Variants in FBXO38 observed in about 807,000 individuals in gnomAD.
The protein encoded by FBXO38 is F-box protein 38.
Under a neutral mutation model 131.9 loss-of-function variants are expected in FBXO38, and 53 were observed. The observed-to-expected ratio is 0.40, with a 90% CI of 0.32 to 0.51. The LOEUF (loss-of-function observed/expected upper bound fraction) is 0.51, where lower values mean the gene tolerates loss of function less well. FBXO38 is among the 20% of genes least tolerant of loss of function. The pLI is 0.53. For synonymous variants in FBXO38, 452 were observed against 505.6 expected (o/e 0.89, Z 1.42); for missense variants, 1,076 against 1,475.6 (o/e 0.73, Z 4.44).
rs1052548354 is a variant in FBXO38, at chr5:148,427,815, G to T, written c.2521G>T (p.Ala841Ser). 2 of 1,608,280 alleles carry T rather than the reference G, an allele frequency of 1.2e-6. No homozygotes were observed. The highest frequency in any genetic ancestry group is 1.7e-6 in the Non-Finnish European group (2 of 1,177,162). The change falls in exon 15 of 22, where the codon GCT becomes TCT. Residue 841 changes from alanine to serine, a missense_variant. Ala to Ser is a moderately conservative substitution (Grantham distance 99). This residue lies in a region of FBXO38 where 213 missense variants were observed against 225.2 expected (regional missense o/e 0.95). Transcript: ENST00000340253. ...DERTNGSGSGATGEDRRGSSQ... is the reference protein window; with the variant it reads ...DERTNGSGSGSTGEDRRGSSQ... ...GAGGACTAATGGGAGTGGCTCTGGG[G>T]CTACAGGTGAGGACAGGAGGGGGAG...
intron 3 of FBXO38, chr5:148,399,597 A>G (rs935192211): frequency 1.3e-5 from 2 of 154,876 alleles, no homozygotes; most frequent in East Asian, 1.9e-4. Flanking sequence ...GAAGACCTAT[A>G]GTAGGTCTTG....
At chr5:148,428,781 GA>G (rs990031746) in intron 15 of FBXO38, among the ~76,000 whole-genome samples, 7 of 152,276 alleles carry the variant, frequency 4.6e-5, no homozygotes, top group African/African-American at 1.7e-4. Flanking sequence ...GAGCTAAACA[GA>G]ACAAAAGTAA....
intron 2 of FBXO38, among the ~76,000 whole-genome samples, chr5:148,398,099 A>AGG (rs769137766): frequency 5.7e-4 from 86 of 152,044 alleles, no homozygotes; most frequent in Non-Finnish European, 1.0e-3. Context: ...CAGGTCAGAG[A>AGG]GGGGGAGATA....
intron 2 of FBXO38, among the ~76,000 whole-genome samples, chr5:148,396,429 G>T (rs1363196827): frequency 1.3e-5 from 2 of 152,180 alleles, no homozygotes; most frequent in Middle Eastern, 3.4e-3. Flanking sequence ...AAGTTGGGTG[G>T]ACTATTCAGC....
In FBXO38 at chr5:148,427,626, T is replaced by A. The variant is rs770230868; in HGVS notation, c.2332T>A (p.Cys778Ser). 17 of 1,614,090 alleles carry A rather than the reference T, an allele frequency of 1.1e-5. No homozygotes were observed. The East Asian group carries it at 3.8e-4, about 36-fold the overall frequency. The change falls in exon 15 of 22, where the codon TGT (cysteine) becomes AGT (serine). Residue 778 changes from cysteine (C) to serine (S), a missense_variant. Physicochemically the swap from Cys to Ser is moderately radical, Grantham distance 112. Around this residue, in one of 8 missense-constraint regions of FBXO38, gnomAD observed 213 missense variants for 225.2 expected, o/e 0.95. Transcript: ENST00000340253. ...GAGTTCTGTCTGCCCCAGATGCTGC[T>A]GTCACAGGCCCCAGGAATCCCAAAG... is the stretch of plus-strand genomic sequence containing the variant. ...AESSVCPRCC[C>S]HRPQESQRRT...
chr5:148,384,377 C>A (rs1042289462), intron 1 of FBXO38, among the ~76,000 whole-genome samples: 1 of 152,190 alleles, frequency 6.6e-6, no homozygotes, highest in Non-Finnish European at 1.5e-5. Context: ...CCGGGCGTCA[C>A]GAATTTCATG....
chr5:148,402,708 C>T (rs1445752375), intron 5 of FBXO38, 195 bp downstream of exon 5: 5 of 454,966 alleles, frequency 1.1e-5, no homozygotes, highest in African/African-American at 7.9e-5. Context: ...TACTGCTTCA[C>T]AAGTGTACAT....
intron 1 of FBXO38, among the ~76,000 whole-genome samples, chr5:148,387,878 G>A (rs1052792979): frequency 1.3e-5 from 2 of 152,016 alleles, no homozygotes; most frequent in Non-Finnish European, 2.9e-5. Context: ...TTTCAGTAGA[G>A]ATGGGGTTTC....
Position 148,404,619 on chromosome 5 carries a change from T to C in FBXO38, c.593-66T>C, listed in dbSNP as rs72832030. On this transcript the variant is annotated intron_variant, in intron 5 of 21. Coordinates refer to ENST00000340253, the MANE Select transcript of FBXO38 (RefSeq NM_205836.3). ...TATGAAAAATAGACTCTTGAACTTA[T>C]AAGCAAAATATAGTATATTTTTGTG... 10,078 of 1,387,860 alleles carry C rather than the reference T, an allele frequency of 7.3e-3. 49 individuals are homozygous for C. Among genetic ancestry groups the C allele is most frequent in the Middle Eastern group, 0.029 (119 of 4,062 alleles). The allele number at this position is 1,387,860 out of a possible 1,614,324, so 86.0% of individuals were successfully genotyped here. A position where few individuals can be genotyped will look rare whatever the true frequency, so the allele number is the denominator to read the frequency against.
At chr5:148,441,446 G>T in intron 21 of FBXO38, 1 of 460,534 alleles carries the variant, frequency 2.2e-6, no homozygotes, top group Non-Finnish European at 3.8e-6. Context: ...CTGGTAGAAA[G>T]GATTCCTTTA....
At chr5:148,399,222 A>C in intron 3 of FBXO38, 90 bp downstream of exon 3, 1 of 1,449,876 alleles carries the variant, frequency 6.9e-7, no homozygotes, top group Non-Finnish European at 9.4e-7. Flanking sequence ...GTCTTGAGAA[A>C]GGCAATCTAA....
intron 15 of FBXO38, among the ~76,000 whole-genome samples, chr5:148,431,090 G>C (rs866905180): frequency 4.6e-5 from 7 of 152,184 alleles, no homozygotes; most frequent in African/African-American, 1.7e-4. Flanking sequence ...ATGAGGACAA[G>C]GACAGTCTCT....
At chr5:148,414,412 G>T (rs959756710) in intron 10 of FBXO38, 106 bp downstream of exon 10, 1 of 1,040,632 alleles carries the variant, frequency 9.6e-7, no homozygotes, top group Non-Finnish European at 1.4e-6. Flanking sequence ...TAAAATGTAG[G>T]TATTTCATTT....
At chr5:148,425,372 C>G (rs1753651567) in intron 13 of FBXO38, 150 bp from the exon 14 acceptor site, 1 of 564,712 alleles carries the variant, frequency 1.8e-6, no homozygotes, top group Admixed American at 3.3e-5. Context: ...AGTATCTTAT[C>G]CAAGTGCATT....
intron 9 of FBXO38, among the ~76,000 whole-genome samples, chr5:148,411,695 G>A (rs1273357741): frequency 6.6e-6 from 1 of 152,036 alleles, no homozygotes; most frequent in African/African-American, 2.4e-5. Context: ...AAAAAGTCAA[G>A]CCATCCTTTT....
At chr5:148,419,033 G>A (rs1753241295) in intron 12 of FBXO38, among the ~76,000 whole-genome samples, 2 of 152,324 alleles carry the variant, frequency 1.3e-5, no homozygotes, top group Middle Eastern at 3.4e-3. Flanking sequence ...GATTTAAGAA[G>A]CCATAATTAC....
intron 15 of FBXO38, 58 bp from the exon 16 acceptor site, chr5:148,433,366 C>G (rs1261564455): frequency 4.9e-6 from 6 of 1,235,124 alleles, no homozygotes; most frequent in Non-Finnish European, 5.9e-6. Flanking sequence ...ATTGAATGTG[C>G]TTGAGGGAAA....
At chr5:148,398,440 TAAAA>T (rs77726724) in intron 2 of FBXO38, among the ~76,000 whole-genome samples, 1 of 135,014 alleles carries the variant, frequency 7.4e-6, no homozygotes. Context: ...CCTTAAAGGT[TAAAA>T]AAAAAAAAAA....
intron 6 of FBXO38, among the ~76,000 whole-genome samples, chr5:148,405,664 C>G (rs879784618): frequency 2.0e-5 from 3 of 152,202 alleles, no homozygotes; most frequent in African/African-American, 7.2e-5. Flanking sequence ...GTTTCGTTAT[C>G]CTGAGATGTG....
Sources: gnomAD v4.1 joint callset for allele counts (sites outside exome capture counted in the v4.1 genomes callset) on GRCh38, gnomAD v4.1.1 for gene constraint, gnomAD v4.1.1 regional missense constraint, MANE v1.5 for transcripts, NCBI Gene and HGNC (gene_info 2026-07-23, HGNC 2026-07-21) for gene names.